Variants in CNKSR3 observed in about 807,000 individuals in gnomAD.
CNKSR3 encodes the protein connector enhancer of kinase suppressor of ras 3.
A neutral mutation model predicts 67.7 loss-of-function variants in CNKSR3; 36 were observed. The ratio of observed to expected loss-of-function variants is 0.53; its 90% CI spans 0.41 to 0.70. CNKSR3 has a LOEUF of 0.70. Among genes scored for constraint, CNKSR3 ranks in the 30% least tolerant of loss-of-function variants. The pLI, the probability that CNKSR3 is intolerant of heterozygous loss-of-function variation, is 0.00. For missense variants in CNKSR3, 630 were observed against 695.2 expected (o/e 0.91, Z 1.05); for synonymous variants, 281 against 271.4 (o/e 1.04, Z -0.35).
intron 4 of CNKSR3, among the ~76,000 whole-genome samples, chr6:154,435,606 G>C (rs1271732443): frequency 1.3e-5 from 2 of 152,232 alleles, no homozygotes; most frequent in African/African-American, 4.8e-5. Context: ...TTCCTGCCGA[G>C]AGGAAGCAGC....
chr6:154,422,501 G>C lies in CNKSR3; in HGVS notation c.945+5C>G. 1 of 1,613,188 alleles carries C rather than the reference G, an allele frequency of 6.2e-7. No individual in the cohort carries two copies. Among genetic ancestry groups the C allele is most frequent in the Non-Finnish European group, 8.5e-7 (1 of 1,179,192 alleles). On this transcript the variant is annotated splice_donor_5th_base_variant and intron_variant, in intron 9 of 12. Coordinates refer to ENST00000607772, the MANE Select transcript of CNKSR3 (RefSeq NM_173515.4). ...GGATGGAGGTTTACAGTTAATCCCA[G>C]ATACCTGTACAAGAGGTGGCTTCCA...
rs1784653641 is a variant in CNKSR3, at chr6:154,395,626, G to A, written c.*10728C>T. On this transcript the variant is annotated 3_prime_UTR_variant, in exon 13 of 13. Coordinates refer to ENST00000607772, the MANE Select transcript of CNKSR3 (RefSeq NM_173515.4). The stretch of plus-strand genomic sequence containing the variant: ...TCTCAGACTTTTATTAATGCAGTTT[G>A]TTGTCTCCAAAAGAGCAGCAACAAT... The A allele has an allele frequency of 6.6e-6, 1 of 152,144 alleles. No individual in the cohort carries two copies. Among genetic ancestry groups the A allele is most frequent in the Admixed American group, 6.5e-5 (1 of 15,272 alleles). The allele number at this position is 152,144 out of a possible 1,614,324, so 9.4% of individuals were successfully genotyped here.
At position 154,459,154 on chromosome 6, in the gene CNKSR3, GGAAA is replaced by G. The variant is rs1312406318; in HGVS notation, c.53-8900_53-8897del. 6.4e-3 allele frequency among the ~76,000 whole-genome samples: 966 copies of G among 150,628 alleles called. 13 individuals are homozygous for G. The highest frequency in any genetic ancestry group is 0.021 in the African/African-American group (872 of 41,012). ...AGAGAGAAAGAAAGAAAGAAAGAAAGGAAAGAAAGAAAGACTAGCAAATGAATGA... is the reference window on the plus strand; with the variant it reads ...AGAGAGAAAGAAAGAAAGAAAGAAAGGAAAGAAAGACTAGCAAATGAATGA... On this transcript the variant is annotated intron_variant, in intron 1 of 12. Coordinates refer to ENST00000607772, the MANE Select transcript of CNKSR3 (RefSeq NM_173515.4).
chr6:154,406,557 T>C lies in CNKSR3; in HGVS notation c.1465A>G (p.Thr489Ala). The C allele has an allele frequency of 6.2e-7, 1 of 1,614,214 alleles. No homozygotes were observed. The change falls in exon 13 of 13, where the codon ACC (threonine) becomes GCC (alanine). Residue 489 changes from threonine to alanine, a missense_variant. Transcript: ENST00000607772. ...SPPYRFSRPTTERHLVRGADY... is the reference protein window; with the variant it reads ...SPPYRFSRPTAERHLVRGADY... ...GCACCCCGGACCAGATGCCGCTCGG[T>C]CGTGGGTCTGGAGAACCGGTATGGG... is the stretch of plus-strand genomic sequence containing the variant.
At chr6:154,503,631 C>T (rs1227436079) in intron 1 of CNKSR3, among the ~76,000 whole-genome samples, 1 of 121,344 alleles carries the variant, frequency 8.2e-6, no homozygotes, top group Non-Finnish European at 1.8e-5. Context: ...CAAGACCCTG[C>T]CTCTTATTTA....
chr6:154,489,935 A>G (rs1260979690), intron 1 of CNKSR3, among the ~76,000 whole-genome samples: 1 of 151,846 alleles, frequency 6.6e-6, no homozygotes, highest in Non-Finnish European at 1.5e-5. Context: ...TCCGGGGAAC[A>G]CTCCCCTCCA....
In CNKSR3 at chr6:154,388,538, G is replaced by A. The variant is rs372991562; in HGVS notation, c.*17816C>T. The stretch of plus-strand genomic sequence containing the variant: ...TTTTGGATAAATATCCAGAAATAGG[G>A]TTGCTAGGTCACATGGCAGTTCTAT... On this transcript the variant is annotated 3_prime_UTR_variant, in exon 13 of 13. Transcript: ENST00000607772. The A allele has an allele frequency of 3.9e-5, 6 of 152,268 alleles. No individual in the cohort carries two copies. The South Asian group carries it at 1.0e-3, about 26-fold the overall frequency. The allele number at this position is 152,268 out of a possible 1,614,324, so 9.4% of individuals were successfully genotyped here. A position where few individuals can be genotyped will look rare whatever the true frequency, so the allele number is the denominator to read the frequency against.
chr6:154,453,334 G>T (rs915835827), intron 1 of CNKSR3, among the ~76,000 whole-genome samples: 3 of 152,170 alleles, frequency 2.0e-5, no homozygotes, highest in African/African-American at 7.2e-5. Flanking sequence ...GCACTGAAAA[G>T]GCTGAGATGG....
chr6:154,458,778 A>C (rs1425858574), intron 1 of CNKSR3, among the ~76,000 whole-genome samples: 1 of 152,154 alleles, frequency 6.6e-6, no homozygotes, highest in African/African-American at 2.4e-5. Context: ...TAGAACTGAC[A>C]CCCACGCACA....
intron 10 of CNKSR3, 48 bp from the exon 11 acceptor site, chr6:154,411,190 C>T (rs773612525): frequency 1.5e-6 from 2 of 1,356,072 alleles, no homozygotes; most frequent in Non-Finnish European, 2.1e-6. Flanking sequence ...AAGATGTTCT[C>T]ATACTGAAGA....
At chr6:154,479,308 G>A (rs1786519674) in intron 1 of CNKSR3, among the ~76,000 whole-genome samples, 1 of 152,218 alleles carries the variant, frequency 6.6e-6, no homozygotes. Flanking sequence ...TAAAATTGTA[G>A]AAGTGAGAGC....
chr6:154,421,781 T>C (rs1390650783), intron 9 of CNKSR3, among the ~76,000 whole-genome samples: 2 of 152,112 alleles, frequency 1.3e-5, no homozygotes, highest in African/African-American at 4.8e-5. Context: ...ATGTGGTCTC[T>C]CCAGGATTAG....
chr6:154,417,775 T>G (rs1206173272), intron 9 of CNKSR3, among the ~76,000 whole-genome samples: 1 of 152,046 alleles, frequency 6.6e-6, no homozygotes, highest in East Asian at 1.9e-4. Flanking sequence ...GACCACCATT[T>G]GCACACCAAG....
intron 1 of CNKSR3, among the ~76,000 whole-genome samples, chr6:154,500,256 A>AGCACAC (rs1786969481): frequency 6.8e-6 from 1 of 147,214 alleles, no homozygotes; most frequent in African/African-American, 2.5e-5. Flanking sequence ...TAAAATTAGA[A>AGCACAC]ACACACACAC....
intron 1 of CNKSR3, among the ~76,000 whole-genome samples, chr6:154,493,996 T>G (rs1786831093): frequency 6.6e-6 from 1 of 152,072 alleles, no homozygotes; most frequent in Non-Finnish European, 1.5e-5. Flanking sequence ...CACTGAAAGC[T>G]TCACTTCCAG....
intron 1 of CNKSR3, among the ~76,000 whole-genome samples, chr6:154,470,223 CA>C (rs1786298451): frequency 1.1e-5 from 1 of 89,794 alleles, no homozygotes. Context: ...TTTTTTGAGA[CA>C]GGGTCTCACT....
At chr6:154,505,022 TG>T (rs1386815822) in intron 1 of CNKSR3, among the ~76,000 whole-genome samples, 2 of 151,738 alleles carry the variant, frequency 1.3e-5, no homozygotes, top group East Asian at 4.0e-4. Flanking sequence ...AGAGCTTTTC[TG>T]AACTATGGCC....
At chr6:154,478,099 T>C (rs1786491046) in intron 1 of CNKSR3, among the ~76,000 whole-genome samples, 1 of 152,038 alleles carries the variant, frequency 6.6e-6, no homozygotes, top group Non-Finnish European at 1.5e-5. Context: ...ATCCAAGAAG[T>C]CCTCTCAAGA....
chr6:154,474,855 G>A (rs1206664067), intron 1 of CNKSR3, among the ~76,000 whole-genome samples: 3 of 152,184 alleles, frequency 2.0e-5, no homozygotes. Context: ...GGAAGAAGAT[G>A]AGGTCATGCC....
Sources: gnomAD v4.1 joint callset for allele counts (sites outside exome capture counted in the v4.1 genomes callset) on GRCh38, gnomAD v4.1.1 for gene constraint, MANE v1.5 for transcripts, NCBI Gene and HGNC (gene_info 2026-07-23, HGNC 2026-07-21) for gene names.